GPC6: variants seen among roughly 807,000 people sequenced by gnomAD.
The protein encoded by GPC6 is glypican-6.
A neutral mutation model predicts 55.2 loss-of-function variants in GPC6; 14 were observed. That is an observed-to-expected ratio of 0.25 (90% CI 0.17 to 0.40). GPC6 has a LOEUF of 0.40. Among genes scored for constraint, GPC6 ranks in the 10% least tolerant of loss-of-function variants. GPC6 has a pLI of 1.00. For missense variants in GPC6, 641 were observed against 708.5 expected (o/e 0.90, Z 1.08); for synonymous variants, 278 against 259.6 (o/e 1.07, Z -0.68).
chr13:93,903,590 A>AATTC (rs1192357869), intron 3 of GPC6, among the ~76,000 whole-genome samples: 1 of 152,182 alleles, frequency 6.6e-6, no homozygotes, highest in Non-Finnish European at 1.5e-5. Flanking sequence ...TCTGTGTTTA[A>AATTC]ATTCCTATTC....
intron 1 of GPC6, among the ~76,000 whole-genome samples, chr13:93,514,893 G>T (rs1243325773): frequency 1.3e-5 from 2 of 152,150 alleles, no homozygotes; most frequent in African/African-American, 4.8e-5. Context: ...ATTTGGCATT[G>T]CTTGTTATAT....
chr13:94,272,463 C>CTTTTTTTTTTTTTTTTTTTTTT (rs555664508), intron 4 of GPC6, among the ~76,000 whole-genome samples: 10 of 85,744 alleles, frequency 1.2e-4, no homozygotes, highest in African/African-American at 2.8e-4. Flanking sequence ...CTTTTCTTTT[C>CTTTTTTTTTTTTTTTTTTTTTT]TTTTTTTTTT....
chr13:94,154,983 T>C (rs968101518), intron 4 of GPC6, among the ~76,000 whole-genome samples: 1 of 152,202 alleles, frequency 6.6e-6, no homozygotes, highest in Non-Finnish European at 1.5e-5. Context: ...TTGTGGCTCC[T>C]CTGCCCTTTC....
intron 1 of GPC6, among the ~76,000 whole-genome samples, chr13:93,336,005 A>G (rs1220569508): frequency 6.6e-6 from 1 of 152,226 alleles, no homozygotes; most frequent in South Asian, 2.1e-4. Context: ...ATGATGAAAA[A>G]GATTTAAATC....
intron 1 of GPC6, among the ~76,000 whole-genome samples, chr13:93,438,397 A>G (rs1310378804): frequency 1.3e-5 from 2 of 152,204 alleles, no homozygotes; most frequent in East Asian, 3.9e-4. Flanking sequence ...TCACCATTCT[A>G]GGTTCCGTTA....
intron 6 of GPC6, among the ~76,000 whole-genome samples, chr13:94,350,314 G>A (rs1416475976): frequency 6.6e-6 from 1 of 151,926 alleles, no homozygotes; most frequent in South Asian, 2.1e-4. Flanking sequence ...CACCCCAGGT[G>A]GACTAACTTC....
intron 2 of GPC6, among the ~76,000 whole-genome samples, chr13:93,649,426 A>C (rs1393346072): frequency 5.3e-5 from 8 of 152,170 alleles, no homozygotes; most frequent in Admixed American, 5.2e-4. Context: ...CTCCAGCCTG[A>C]GCGACAGAGT....
rs531173468 is a variant in GPC6 at position 94,132,732 on chromosome 13, C to T, written c.877+104838C>T. 9.2e-5 allele frequency among the ~76,000 whole-genome samples: 14 copies of T among 152,272 alleles called. 1 individual carries two copies. Among genetic ancestry groups the T allele is most frequent in the African/African-American group, 3.1e-4 (13 of 41,584 alleles). ...TTAACTGGCATGAAGGCCATTTTAT[C>T]TCTCTCCTAGGTATTGATTAGTTTC... On this transcript the variant is annotated intron_variant, in intron 4 of 8. Transcript: ENST00000377047.
At chr13:94,097,811 C>T (rs1425131320) in intron 4 of GPC6, among the ~76,000 whole-genome samples, 1 of 152,130 alleles carries the variant, frequency 6.6e-6, no homozygotes, top group Non-Finnish European at 1.5e-5. Context: ...GCACTAAATT[C>T]TCTTGCTCTG....
intron 2 of GPC6, among the ~76,000 whole-genome samples, chr13:93,761,631 C>G (rs1884958476): frequency 6.6e-6 from 1 of 152,096 alleles, no homozygotes; most frequent in South Asian, 2.1e-4. Context: ...ATCCTCCTAC[C>G]TCAGCTAGGA....
At chr13:93,539,646 A>T (rs1012828894) in intron 1 of GPC6, among the ~76,000 whole-genome samples, 1 of 151,810 alleles carries the variant, frequency 6.6e-6, no homozygotes, top group African/African-American at 2.4e-5. Flanking sequence ...TAAATCTGTG[A>T]TTAGTAAAGA....
intron 1 of GPC6, among the ~76,000 whole-genome samples, chr13:93,260,769 G>A (rs1328368): frequency 0.47 from 71,425 of 151,812 alleles, 17,235 homozygotes; most frequent in Admixed American, 0.6. Flanking sequence ...ATGCAAACTG[G>A]TATCAGATTA....
intron 1 of GPC6, among the ~76,000 whole-genome samples, chr13:93,471,915 C>T (rs1385263373): frequency 2.0e-5 from 3 of 152,166 alleles, no homozygotes; most frequent in Non-Finnish European, 4.4e-5. Context: ...ATTTTCAGTG[C>T]TTCTCCGTTC....
At chr13:93,775,863 C>T (rs1356957753) in intron 2 of GPC6, among the ~76,000 whole-genome samples, 3 of 152,056 alleles carry the variant, frequency 2.0e-5, no homozygotes, top group African/African-American at 7.2e-5. Flanking sequence ...ATAGTGCTGT[C>T]AGAAAATAAT....
chr13:93,798,293 G>A (rs1335550686), intron 2 of GPC6, among the ~76,000 whole-genome samples: 2 of 152,186 alleles, frequency 1.3e-5, no homozygotes, highest in African/African-American at 4.8e-5. Flanking sequence ...TAGGTCTTCT[G>A]TGAACCAAGT....
intron 1 of GPC6, among the ~76,000 whole-genome samples, chr13:93,472,130 G>C (rs971080815): frequency 2.6e-5 from 4 of 152,122 alleles, no homozygotes; most frequent in Admixed American, 6.5e-5. Context: ...TCTTTTTAAT[G>C]TCCTTTCCTG....
At chr13:93,691,261 A>G (rs1313333502) in intron 2 of GPC6, among the ~76,000 whole-genome samples, 2 of 152,096 alleles carry the variant, frequency 1.3e-5, no homozygotes, top group African/African-American at 2.4e-5. Flanking sequence ...TTAAGTCTGT[A>G]TATTTTAGTT....
At chr13:93,529,305 A>G (rs1881771592) in intron 1 of GPC6, among the ~76,000 whole-genome samples, 1 of 152,106 alleles carries the variant, frequency 6.6e-6, no homozygotes, top group Non-Finnish European at 1.5e-5. Context: ...CCTCAAAGAG[A>G]TTGGTAATAC....
chr13:94,375,212 A>C (rs1349690633), intron 6 of GPC6, among the ~76,000 whole-genome samples: 1 of 152,120 alleles, frequency 6.6e-6, no homozygotes, highest in Non-Finnish European at 1.5e-5. Context: ...AACTAAAATC[A>C]GAGCAGAACT....
Sources: allele counts gnomAD v4.1 joint callset (sites outside exome capture counted in the v4.1 genomes callset), GRCh38; gene constraint gnomAD v4.1.1; transcripts MANE v1.5; gene names NCBI Gene and HGNC (gene_info 2026-07-23, HGNC 2026-07-21).